Variants in NUP214 observed in about 807,000 individuals in gnomAD.
NUP214 encodes the protein nucleoporin 214.
A neutral mutation model predicts 196.2 loss-of-function variants in NUP214; 79 were observed. That is an observed-to-expected ratio of 0.40 (90% CI 0.34 to 0.49). The LOEUF (loss-of-function observed/expected upper bound fraction) is 0.49. Ranked by LOEUF, NUP214 falls within the 20% of genes least tolerant of loss-of-function variation. The pLI is 0.58. For synonymous variants in NUP214, 1,020 were observed against 990.5 expected (o/e 1.03, Z -0.56); for missense variants, 2,468 against 2,539.0 (o/e 0.97, Z 0.60).
chr9:131,185,649 ATTTG>A (rs1483982923), intron 24 of NUP214, among the ~76,000 whole-genome samples: 2 of 152,184 alleles, frequency 1.3e-5, no homozygotes, highest in African/African-American at 4.8e-5. Flanking sequence ...GTTTGAACAT[ATTTG>A]TTTGAGAGTA....
chr9:131,225,323 G>A (rs1056073971), intron 32 of NUP214, among the ~76,000 whole-genome samples: 1 of 152,240 alleles, frequency 6.6e-6, no homozygotes, highest in Non-Finnish European at 1.5e-5. Context: ...GGAGACTGAG[G>A]TGGGAGGATC....
chr9:131,131,987 C>T (rs1831558995), intron 5 of NUP214, among the ~76,000 whole-genome samples: 1 of 152,162 alleles, frequency 6.6e-6, no homozygotes, highest in African/African-American at 2.4e-5. Flanking sequence ...CCTCGCCCAG[C>T]CTTATTCCAC....
chr9:131,198,518 G>A lies in NUP214; in HGVS notation c.5024G>A (p.Gly1675Glu). 2 of 1,614,198 alleles carry A rather than the reference G, an allele frequency of 1.2e-6. No homozygotes were observed. Among genetic ancestry groups the A allele is most frequent in the Non-Finnish European group, 1.7e-6 (2 of 1,180,038 alleles). Residue 1675 changes from glycine (G) to glutamate (E), a missense_variant, in exon 29 of 36, where the codon GGG (glycine) becomes GAG (glutamate). This residue lies in a region of NUP214 where 1,801 missense variants were observed against 1,779.4 expected (regional missense o/e 1.01). Transcript: ENST00000359428. ...ATAPSATPVF[G>E]QVAASTAPSL... ...GCCCCCTCTGCCACGCCCGTGTTTGGGCAAGTGGCAGCCAGCACCGCACCA... is the reference window on the plus strand; with the variant it reads ...GCCCCCTCTGCCACGCCCGTGTTTGAGCAAGTGGCAGCCAGCACCGCACCA...
chr9:131,232,381 T>A lies in NUP214; in HGVS notation c.6239+73T>A. 1 of 1,448,842 alleles carries A rather than the reference T, an allele frequency of 6.9e-7. No homozygotes were observed. Among genetic ancestry groups the A allele is most frequent in the Non-Finnish European group, 9.7e-7 (1 of 1,029,110 alleles). 89.7% of individuals were successfully genotyped at this position (1,448,842 alleles called of 1,614,324 possible). A position where few individuals can be genotyped will look rare whatever the true frequency, so the allele number is the denominator to read the frequency against. On this transcript the variant is annotated intron_variant, in intron 35 of 35. Coordinates refer to ENST00000359428, the MANE Select transcript of NUP214 (RefSeq NM_005085.4). This position sits in a 1 kb window ranked among gnomAD's most constrained non-coding sequence, Gnocchi z 5.1. Reference sequence around the variant, plus strand: ...AAGGTTGGAAGTGTGTGGATCTTGCTGGATTTGTGCATTTTCTTTTCGTTT... The same window carrying A: ...AAGGTTGGAAGTGTGTGGATCTTGCAGGATTTGTGCATTTTCTTTTCGTTT...
intron 4 of NUP214, 122 bp downstream of exon 4, chr9:131,129,599 G>T (rs1310429247): frequency 4.4e-6 from 4 of 911,496 alleles, no homozygotes; most frequent in Non-Finnish European, 6.9e-6. Flanking sequence ...GACGAGGGAG[G>T]TTAAGGATGG....
chr9:131,230,397 GGCCA>G (rs1834841988), intron 33 of NUP214: 1 of 529,558 alleles, frequency 1.9e-6, no homozygotes, highest in South Asian at 2.2e-5. Context: ...CTAAAACACT[GGCCA>G]GGTTGGATTT....
chr9:131,229,793 T>C (rs1156319468), intron 33 of NUP214: 1 of 517,772 alleles, frequency 1.9e-6, no homozygotes, highest in East Asian at 5.5e-5. Flanking sequence ...TGGCCACCTT[T>C]GTATGGAAAG....
intron 29 of NUP214, among the ~76,000 whole-genome samples, chr9:131,200,333 C>G (rs577097393): frequency 1.3e-5 from 2 of 152,190 alleles, no homozygotes; most frequent in African/African-American, 2.4e-5. Flanking sequence ...CCCAGCAATT[C>G]GGGAGGCCGA....
At chr9:131,215,430 G>A in intron 31 of NUP214, 62 bp downstream of exon 31, 1 of 1,364,730 alleles carries the variant, frequency 7.3e-7, no homozygotes, top group Non-Finnish European at 9.6e-7. Flanking sequence ...TTCTTAGGGT[G>A]TTATCAAAGC....
intron 30 of NUP214, among the ~76,000 whole-genome samples, chr9:131,211,323 T>G (rs1286700575): frequency 1.3e-5 from 2 of 152,232 alleles, no homozygotes; most frequent in Non-Finnish European, 2.9e-5. Context: ...CTTTTTACAT[T>G]TTGTTTTCTT....
Position 131,134,968 on chromosome 9 carries a change from G to C in NUP214, c.902G>C (p.Arg301Thr). Residue 301 changes from arginine to threonine, a missense_variant, in exon 8 of 36, where the codon AGA becomes ACA. This residue lies in a region of NUP214 where 392 missense variants were observed against 417.9 expected (regional missense o/e 0.94). Coordinates refer to ENST00000359428, the MANE Select transcript of NUP214 (RefSeq NM_005085.4). The part of the protein sequence containing the change: ...MEPCYGSCTE[R>T]QHHYYLSYIE... ...CCCTGTTATGGCAGCTGCACGGAGA[G>C]ACAGCATCATTACTACCTCAGTTAC... 6.2e-7 allele frequency: 1 copy of C among 1,613,744 alleles called. No individual in the cohort carries two copies. The highest frequency in any genetic ancestry group is 1.1e-5 in the South Asian group (1 of 91,082).
chr9:131,148,664 G>T (rs988923089), intron 14 of NUP214, among the ~76,000 whole-genome samples: 1 of 152,136 alleles, frequency 6.6e-6, no homozygotes, highest in Non-Finnish European at 1.5e-5. Flanking sequence ...CTTTTTAAAA[G>T]ATGATTATTG....
chr9:131,187,607 G>A (rs1251524910), intron 25 of NUP214, among the ~76,000 whole-genome samples: 4 of 152,104 alleles, frequency 2.6e-5, no homozygotes, highest in African/African-American at 7.2e-5. Context: ...GGCTAGTCTC[G>A]AGCTCCTGAC....
At chr9:131,223,865 G>A (rs1265404915) in intron 32 of NUP214, among the ~76,000 whole-genome samples, 1 of 149,138 alleles carries the variant, frequency 6.7e-6, no homozygotes, top group African/African-American at 2.5e-5. Flanking sequence ...CTCCCAAGTA[G>A]CTGGGACTAC....
chr9:131,197,201 T>C lies in NUP214; in HGVS notation c.3722-15T>C, dbSNP rs771702651. 4 of 1,607,396 alleles carry C rather than the reference T, an allele frequency of 2.5e-6. No homozygotes were observed. The highest frequency in any genetic ancestry group is 1.7e-4 in the Middle Eastern group (1 of 6,034). On this transcript the variant is annotated splice_polypyrimidine_tract_variant and intron_variant, in intron 28 of 35. Coordinates refer to ENST00000359428, the MANE Select transcript of NUP214 (RefSeq NM_005085.4). ...GCTAAATCCAACCCATTTTCTGATT[T>C]CTTTTTCTTGCTAGGGGCAACACCC...
At chr9:131,176,392 C>T (rs947074696) in intron 23 of NUP214, among the ~76,000 whole-genome samples, 2 of 151,652 alleles carry the variant, frequency 1.3e-5, no homozygotes, top group African/African-American at 2.4e-5. Context: ...GGTGCGATCA[C>T]GGCTCGCTGC....
intron 27 of NUP214, among the ~76,000 whole-genome samples, chr9:131,193,154 T>C (rs1436492973): frequency 6.6e-6 from 1 of 152,130 alleles, no homozygotes; most frequent in Non-Finnish European, 1.5e-5. Flanking sequence ...GAATCTTCTA[T>C]ACCTTATCTC....
intron 17 of NUP214, among the ~76,000 whole-genome samples, chr9:131,157,470 T>TTG (rs1554731069): frequency 3.4e-4 from 49 of 143,498 alleles, no homozygotes; most frequent in African/African-American, 1.3e-3. Flanking sequence ...TTTTTTTTTT[T>TTG]TTTTTTTTTT....
intron 27 of NUP214, chr9:131,194,048 T>C (rs1833703515): frequency 6.6e-6 from 1 of 152,000 alleles, no homozygotes; most frequent in African/African-American, 2.4e-5. Flanking sequence ...AGGTTGTGTT[T>C]TTTTTTTTAT....
Sources: allele counts gnomAD v4.1 joint callset (sites outside exome capture counted in the v4.1 genomes callset), GRCh38; gene constraint gnomAD v4.1.1; regional missense constraint gnomAD v4.1.1; non-coding constraint Gnocchi (gnomAD v3.1); transcripts MANE v1.5; gene names NCBI Gene and HGNC (gene_info 2026-07-23, HGNC 2026-07-21).